Variants in SERPINI2 observed in about 807,000 individuals in gnomAD.
SERPINI2 encodes the protein serpin I2.
SERPINI2 carries 48 observed loss-of-function variants against 47.3 expected under a neutral mutation model. The observed-to-expected ratio is 1.02, with a 90% CI of 0.81 to 1.29. The LOEUF (loss-of-function observed/expected upper bound fraction) is 1.29. SERPINI2 is among the 50% of genes most tolerant of loss of function. The pLI is 0.00. For synonymous variants in SERPINI2, 135 were observed against 149.3 expected (o/e 0.90, Z 0.70); for missense variants, 448 against 456.9 (o/e 0.98, Z 0.18).
intron 3 of SERPINI2, among the ~76,000 whole-genome samples, chr3:167,466,304 C>T (rs1390608628): frequency 6.6e-6 from 1 of 152,162 alleles, no homozygotes; most frequent in Non-Finnish European, 1.5e-5. Flanking sequence ...TCAACTTATG[C>T]TTCCCCATAT....
At chr3:167,449,537 C>G (rs965936502) in intron 6 of SERPINI2, 135 bp from the exon 7 acceptor site, 4 of 403,616 alleles carry the variant, frequency 9.9e-6, no homozygotes, top group Non-Finnish European at 1.7e-5. Flanking sequence ...CTCTGTCACC[C>G]AGGCTGAAGT....
chr3:167,443,531 A>G (rs1014603859), intron 8 of SERPINI2, among the ~76,000 whole-genome samples: 1 of 152,208 alleles, frequency 6.6e-6, no homozygotes, highest in Non-Finnish European at 1.5e-5. Flanking sequence ...ACATAAATAC[A>G]TCTCCTAGAA....
chr3:167,459,185 C>T (rs1433551711), intron 5 of SERPINI2, among the ~76,000 whole-genome samples: 1 of 151,258 alleles, frequency 6.6e-6, no homozygotes, highest in African/African-American at 2.4e-5. Flanking sequence ...CGCCATTCTC[C>T]TGCCTCAGCC....
At chr3:167,443,335 C>T (rs1749382901) in intron 8 of SERPINI2, among the ~76,000 whole-genome samples, 1 of 152,248 alleles carries the variant, frequency 6.6e-6, no homozygotes, top group African/African-American at 2.4e-5. Flanking sequence ...TCTCGATCTC[C>T]TGACCTCGTG....
At chr3:167,465,551 T>TCAG (rs1393831981) in exon 4 of SERPINI2, 1 of 1,613,976 alleles carries the variant, frequency 6.2e-7, no homozygotes, top group South Asian at 1.1e-5. Context: ...GTAAAATTTA[T>TCAG]CAGCTGTGTG....
At chr3:167,450,183 A>G (rs1749604211) in intron 6 of SERPINI2, among the ~76,000 whole-genome samples, 1 of 152,250 alleles carries the variant, frequency 6.6e-6, no homozygotes, top group Non-Finnish European at 1.5e-5. Flanking sequence ...GGAAGCTATG[A>G]AATTCTAAGG....
rs1012846971 is a variant in SERPINI2 at position 167,442,261 on chromosome 3, A to G, written c.1142-76T>C. On this transcript the variant is annotated intron_variant, in intron 8 of 8. Transcript: ENST00000264677. ...AACTGACAATAATTAGTTTTTCTTA[A>G]TATTTAACATGTCATTTGGTCTTTT... The G allele has an allele frequency of 2.0e-5, 21 of 1,027,702 alleles. 1 individual carries two copies. In the South Asian group the frequency reaches 3.4e-4, roughly 17 times the overall value. The allele number at this position is 1,027,702 out of a possible 1,614,324, so 63.7% of individuals were successfully genotyped here.
chr3:167,464,643 T>C (rs1425679191), intron 5 of SERPINI2, among the ~76,000 whole-genome samples: 1 of 152,184 alleles, frequency 6.6e-6, no homozygotes, highest in Non-Finnish European at 1.5e-5. Flanking sequence ...CCTTTCTTTT[T>C]GAAGTTTCTT....
At chr3:167,462,639 G>A (rs1385358083) in intron 5 of SERPINI2, among the ~76,000 whole-genome samples, 1 of 152,048 alleles carries the variant, frequency 6.6e-6, no homozygotes, top group South Asian at 2.1e-4. Flanking sequence ...GAATTTGGGT[G>A]GGGGGATGCA....
Position 167,453,040 on chromosome 3 carries a change from T to C in SERPINI2, c.867-7A>G, listed in dbSNP as rs773983692. 2 of 1,488,806 alleles carry C rather than the reference T, an allele frequency of 1.3e-6. No homozygotes were observed. The highest frequency in any genetic ancestry group is 2.5e-5 in the South Asian group (2 of 80,340). The allele number at this position is 1,488,806 out of a possible 1,614,324, so 92.2% of individuals were successfully genotyped here. A position where few individuals can be genotyped will look rare whatever the true frequency, so the allele number is the denominator to read the frequency against. ...TTTTTGTTCTACTTTAAATCTGTTA[T>C]TAAAAAAAAAAGAAAAAGAAAAGTC... On this transcript the variant is annotated splice_region_variant and splice_polypyrimidine_tract_variant and intron_variant, in intron 5 of 8. Coordinates refer to ENST00000264677, the Ensembl canonical transcript of SERPINI2.
chr3:167,447,927 T>C (rs1057360318), intron 7 of SERPINI2, among the ~76,000 whole-genome samples: 31 of 152,212 alleles, frequency 2.0e-4, no homozygotes, highest in African/African-American at 7.0e-4. Flanking sequence ...TCAAAATCCA[T>C]TGGCCCAATG....
intron 3 of SERPINI2, among the ~76,000 whole-genome samples, chr3:167,466,279 G>A (rs558667928): frequency 5.3e-5 from 8 of 152,170 alleles, no homozygotes; most frequent in African/African-American, 1.9e-4. Context: ...GGCTCACCAC[G>A]CTTATCTCAC....
chr3:167,464,488 T>G (rs971928841), intron 5 of SERPINI2, among the ~76,000 whole-genome samples: 1 of 151,802 alleles, frequency 6.6e-6, no homozygotes, highest in African/African-American at 2.4e-5. Context: ...AAGAGACCAA[T>G]GGCCAGAAAC....
intron 5 of SERPINI2, among the ~76,000 whole-genome samples, chr3:167,458,602 T>TTTATCAATAGGTGGTAACCATC (rs1312519320): frequency 6.6e-6 from 1 of 152,090 alleles, no homozygotes; most frequent in East Asian, 1.9e-4. Flanking sequence ...ACTATTCCAT[T>TTTATCAATAGGTGGTAACCATC]TTATCAATAG....
chr3:167,452,749 TTTCA>T (rs889150528), intron 6 of SERPINI2, among the ~76,000 whole-genome samples, 183 bp downstream of exon 6: 41 of 152,198 alleles, frequency 2.7e-4, no homozygotes, highest in Admixed American at 2.4e-3. Context: ...GCTTTTTGAC[TTTCA>T]TTAAGAAAAA....
intron 5 of SERPINI2, among the ~76,000 whole-genome samples, chr3:167,463,810 A>G (rs565276282): frequency 1.3e-5 from 2 of 152,248 alleles, no homozygotes; most frequent in East Asian, 1.9e-4. Flanking sequence ...TGGAAGTAAG[A>G]GAAATCAACC....
intron 7 of SERPINI2, among the ~76,000 whole-genome samples, chr3:167,448,983 G>C (rs1749562626): frequency 6.6e-6 from 1 of 152,142 alleles, no homozygotes; most frequent in Non-Finnish European, 1.5e-5. Flanking sequence ...GTAAGGGTGA[G>C]CATTCCTAAA....
chr3:167,473,589 G>A (rs1750399306), intron 1 of SERPINI2: 1 of 393,068 alleles, frequency 2.5e-6, no homozygotes, highest in African/African-American at 2.1e-5. Flanking sequence ...TAGAATCTCA[G>A]TATTAGAGTT....
At chr3:167,450,280 C>T (rs1033882512) in intron 6 of SERPINI2, among the ~76,000 whole-genome samples, 18 of 152,142 alleles carry the variant, frequency 1.2e-4, no homozygotes, top group South Asian at 2.1e-4. Context: ...TGCTTTACAA[C>T]GTTTTGTTCT....
Sources: gnomAD v4.1 joint callset for allele counts (sites outside exome capture counted in the v4.1 genomes callset) on GRCh38, gnomAD v4.1.1 for gene constraint, MANE v1.5 for transcripts, NCBI Gene and HGNC (gene_info 2026-07-23, HGNC 2026-07-21) for gene names.